ZNF385B: variants seen among roughly 807,000 people sequenced by gnomAD.
ZNF385B encodes zinc finger protein 533.
ZNF385B carries 23 observed loss-of-function variants against 39.2 expected under a neutral mutation model. The observed-to-expected ratio is 0.59, with a 90% confidence interval of 0.42 to 0.83. The LOEUF is 0.83. ZNF385B is among the 40% of genes least tolerant of loss of function. ZNF385B has a pLI of 0.00. For synonymous variants in ZNF385B, 205 were observed against 222.6 expected (o/e 0.92, Z 0.70); for missense variants, 552 against 598.9 (o/e 0.92, Z 0.82).
At chr2:179,606,997 T>C (rs1688859064) in intron 3 of ZNF385B, among the ~76,000 whole-genome samples, 1 of 152,152 alleles carries the variant, frequency 6.6e-6, no homozygotes, top group African/African-American at 2.4e-5. Flanking sequence ...TCTCCTTTGA[T>C]ACCTCCTCCC....
intron 4 of ZNF385B, among the ~76,000 whole-genome samples, chr2:179,523,187 T>C (rs1297995772): frequency 3.3e-5 from 5 of 152,078 alleles, no homozygotes; most frequent in Non-Finnish European, 7.4e-5. Flanking sequence ...GAGGAGGTAA[T>C]TGGAGGCCAT....
At chr2:179,814,684 C>T (rs1706952453) in intron 1 of ZNF385B, 1 of 327,478 alleles carries the variant, frequency 3.1e-6, no homozygotes, top group Non-Finnish European at 6.0e-6. Flanking sequence ...GAAGCGCCCT[C>T]AGGCTGTGTG....
At chr2:179,484,211 C>G (rs555088065) in intron 5 of ZNF385B, among the ~76,000 whole-genome samples, 1 of 152,032 alleles carries the variant, frequency 6.6e-6, no homozygotes, top group African/African-American at 2.4e-5. Context: ...ATTTAATCAA[C>G]TTACTGACAT....
chr2:179,820,554 A>AT (rs545081913), intron 1 of ZNF385B, among the ~76,000 whole-genome samples: 3 of 151,426 alleles, frequency 2.0e-5, no homozygotes, highest in Non-Finnish European at 2.9e-5. Flanking sequence ...TTGTTTCAGG[A>AT]TTTTTTTTCC....
chr2:179,693,369 A>G (rs1698496922), intron 3 of ZNF385B, among the ~76,000 whole-genome samples: 2 of 152,276 alleles, frequency 1.3e-5, no homozygotes, highest in South Asian at 4.2e-4. Context: ...CATGGCCACC[A>G]TGTCTCAATA....
At position 179,718,827 on chromosome 2, in the gene ZNF385B, A is replaced by AT. The variant is rs1303098577; in HGVS notation, c.298+50675dup. Among the ~76,000 whole-genome samples, 10 of 129,086 alleles carry AT rather than the reference A, an allele frequency of 7.7e-5. No homozygotes were observed. The South Asian group carries it at 1.4e-3, about 18-fold the overall frequency. 84.7% of individuals were successfully genotyped at this position (129,086 alleles called of 152,430 possible). ...GTCAACATAGTGAGACCCTGTATCTATTAAAAAAAAAAAACCCAAAAGCCA... is the reference window on the plus strand; with the variant it reads ...GTCAACATAGTGAGACCCTGTATCTATTTAAAAAAAAAAAACCCAAAAGCCA... On this transcript the variant is annotated intron_variant, in intron 3 of 9. Transcript: ENST00000410066.
In ZNF385B at chr2:179,443,318, C is replaced by T; in HGVS notation, c.1393G>A (p.Ala465Thr). 1.2e-6 allele frequency: 2 copies of T among 1,612,820 alleles called. No homozygotes were observed. Among genetic ancestry groups the T allele is most frequent in the South Asian group, 1.1e-5 (1 of 91,000 alleles). The change falls in exon 10 of 10, where the codon GCT (alanine) becomes ACT (threonine). Residue 465 changes from alanine to threonine, a missense_variant. Transcript: ENST00000410066. Reference sequence around the variant, plus strand: ...GGCCCATGCCCAGGCCTCAGAAGAGCTGGAGGAATGGCTGGAGCCTGGAAG... The same window carrying T: ...GGCCCATGCCCAGGCCTCAGAAGAGTTGGAGGAATGGCTGGAGCCTGGAAG... ...SLFQAPAIPPALLRPGHGPIR... is the reference protein window; with the variant it reads ...SLFQAPAIPPTLLRPGHGPIR...
intron 1 of ZNF385B, among the ~76,000 whole-genome samples, chr2:179,836,513 C>CTCTTTTT (rs1708254941): frequency 8.1e-6 from 1 of 124,178 alleles, no homozygotes; most frequent in African/African-American, 3.1e-5. Context: ...CTTGCGTTTT[C>CTCTTTTT]TTTTTTTTTT....
At chr2:179,575,424 T>C (rs1005870618) in intron 3 of ZNF385B, among the ~76,000 whole-genome samples, 3 of 152,352 alleles carry the variant, frequency 2.0e-5, no homozygotes, top group South Asian at 2.1e-4. Context: ...TAAGTTCAAA[T>C]GAATGATAGC....
intron 1 of ZNF385B, among the ~76,000 whole-genome samples, chr2:179,771,347 C>A (rs1319380111): frequency 1.3e-5 from 2 of 152,028 alleles, no homozygotes; most frequent in African/African-American, 4.8e-5. Context: ...GTATAGTATG[C>A]CAAAAAATCT....
chr2:179,818,206 T>C (rs946398447), intron 1 of ZNF385B, among the ~76,000 whole-genome samples: 6 of 152,184 alleles, frequency 3.9e-5, no homozygotes, highest in Non-Finnish European at 5.9e-5. Context: ...AGGAGAGATT[T>C]CTTAAAAAAT....
chr2:179,732,691 A>G (rs1701473826), intron 3 of ZNF385B, among the ~76,000 whole-genome samples: 1 of 152,202 alleles, frequency 6.6e-6, no homozygotes, highest in African/African-American at 2.4e-5. Flanking sequence ...TAGAAGCAAG[A>G]GAATTCATCA....
At chr2:179,461,187 G>C (rs1312198111) in intron 6 of ZNF385B, among the ~76,000 whole-genome samples, 1 of 152,192 alleles carries the variant, frequency 6.6e-6, no homozygotes, top group Non-Finnish European at 1.5e-5. Context: ...ATACAGCCTG[G>C]TAGAGCATGA....
chr2:179,563,990 C>G (rs532910816), intron 3 of ZNF385B, among the ~76,000 whole-genome samples: 1 of 152,266 alleles, frequency 6.6e-6, no homozygotes, highest in South Asian at 2.1e-4. Context: ...ACTAGTGCAT[C>G]CTTGAACTCC....
At chr2:179,860,306 C>T (rs1340894044) in intron 1 of ZNF385B, among the ~76,000 whole-genome samples, 2 of 152,118 alleles carry the variant, frequency 1.3e-5, no homozygotes, top group African/African-American at 4.8e-5. Context: ...CAATTTATTT[C>T]CCCTGAAGAA....
chr2:179,701,684 T>C (rs970122516), intron 3 of ZNF385B, among the ~76,000 whole-genome samples: 1 of 152,242 alleles, frequency 6.6e-6, no homozygotes, highest in Non-Finnish European at 1.5e-5. Context: ...ATGCATATTG[T>C]TCCTCAGAAA....
intron 3 of ZNF385B, among the ~76,000 whole-genome samples, chr2:179,701,562 G>T (rs1699203115): frequency 6.6e-6 from 1 of 152,164 alleles, no homozygotes; most frequent in Admixed American, 6.5e-5. Context: ...TCATAGAAAT[G>T]CCAGATCACA....
At chr2:179,601,632 T>TA (rs1688417762) in intron 3 of ZNF385B, among the ~76,000 whole-genome samples, 1 of 152,178 alleles carries the variant, frequency 6.6e-6, no homozygotes, top group African/African-American at 2.4e-5. Flanking sequence ...AAATTACAGT[T>TA]ACCACTTGAA....
intron 1 of ZNF385B, among the ~76,000 whole-genome samples, chr2:179,836,026 T>C (rs978297428): frequency 5.9e-5 from 9 of 152,118 alleles, no homozygotes; most frequent in African/African-American, 2.2e-4. Context: ...CCTTAAAAAA[T>C]ATAAGGAAAT....
Sources: allele counts gnomAD v4.1 joint callset (sites outside exome capture counted in the v4.1 genomes callset), GRCh38; gene constraint gnomAD v4.1.1; transcripts MANE v1.5; gene names NCBI Gene and HGNC (gene_info 2026-07-23, HGNC 2026-07-21).